Variants in PAAF1 observed in about 807,000 individuals in gnomAD.
PAAF1 encodes the protein proteasomal ATPase-associated factor 1.
PAAF1 carries 46 observed loss-of-function variants against 52.8 expected under a neutral mutation model. The ratio of observed to expected loss-of-function variants is 0.87; its 90% CI spans 0.69 to 1.11. The LOEUF is 1.11. Among genes scored for constraint, PAAF1 ranks in the 50% most tolerant of loss-of-function variants. The probability of loss-of-function intolerance (pLI) is 0.00; values close to 1 mark genes in which losing one functional copy is unlikely to be tolerated. For missense variants in PAAF1, 424 were observed against 477.4 expected (o/e 0.89, Z 1.04); for synonymous variants, 178 against 172.8 (o/e 1.03, Z -0.24).
At chr11:73,877,978 C>G (rs1450205866) in intron 1 of PAAF1, among the ~76,000 whole-genome samples, 1 of 152,170 alleles carries the variant, frequency 6.6e-6, no homozygotes, top group Non-Finnish European at 1.5e-5. Context: ...CCAGTTATTT[C>G]TCTAGGCTTC....
rs371142167 is a variant in PAAF1 at position 73,907,081 on chromosome 11, CT to C, written c.533-2307del. Among the ~76,000 whole-genome samples, 400 of 144,558 alleles carry C rather than the reference CT, an allele frequency of 2.8e-3. 5 individuals carry two copies. In the East Asian group the frequency reaches 0.03, roughly 11 times the overall value. 94.8% of individuals were successfully genotyped at this position (144,558 alleles called of 152,430 possible). On this transcript the variant is annotated intron_variant, in intron 6 of 11. Coordinates refer to ENST00000310571, the MANE Select transcript of PAAF1 (RefSeq NM_025155.3). ...TATATTCTGTTTGTGTATTTTTTCT[CT>C]TTTTTTTTTTCCATTGTAAGTCTTT...
At position 73,897,104 on chromosome 11, in the gene PAAF1, T is replaced by G. The variant is rs375758223; in HGVS notation, c.283-2042T>G. On this transcript the variant is annotated intron_variant, in intron 4 of 11. Coordinates refer to ENST00000310571, the MANE Select transcript of PAAF1 (RefSeq NM_025155.3). ...AGACGGGGCGGCTGGCCGGGCAGAG[T>G]GGCTCCTCACTTCCCAGTAGGGGCG... is the stretch of plus-strand genomic sequence containing the variant. Among the ~76,000 whole-genome samples the G allele has an allele frequency of 7.8e-3, 556 of 71,024 alleles. 1 individual carries two copies. Among genetic ancestry groups the G allele is most frequent in the Middle Eastern group, 0.023 (2 of 86 alleles). The allele number at this position is 71,024 out of a possible 152,430, so 46.6% of individuals were successfully genotyped here. A position where few individuals can be genotyped will look rare whatever the true frequency, so the allele number is the denominator to read the frequency against.
rs1949562922 is a variant in PAAF1 at position 73,900,369 on chromosome 11, T to C, written c.481T>C (p.Trp161Arg). ...SGGMDAQLKI[W>R]SAEDASCVVT... ...GGGAATGGATGCCCAGCTGAAGATA[T>C]GGTCAGCTGAAGATGCTAGCTGCGT... The change falls in exon 6 of 12, where the codon TGG becomes CGG. Residue 161 changes from tryptophan (W) to arginine (R), a missense_variant. Transcript: ENST00000310571. 11 of 1,612,674 alleles carry C rather than the reference T, an allele frequency of 6.8e-6. No individual in the cohort carries two copies. Among genetic ancestry groups the C allele is most frequent in the Admixed American group, 1.7e-5 (1 of 59,948 alleles).
At chr11:73,926,480 G>A (rs1950362333) in intron 11 of PAAF1, among the ~76,000 whole-genome samples, 1 of 152,140 alleles carries the variant, frequency 6.6e-6, no homozygotes, top group Non-Finnish European at 1.5e-5. Flanking sequence ...AGGCGGAGGG[G>A]GTGCGAATCA....
chr11:73,922,313 T>C, intron 10 of PAAF1: 1 of 423,966 alleles, frequency 2.4e-6, no homozygotes, highest in Non-Finnish European at 4.4e-6. Flanking sequence ...GGGAGTAAGA[T>C]TATAACTCTG....
intron 6 of PAAF1, 131 bp from the exon 7 acceptor site, chr11:73,909,268 A>C (rs1052627664): frequency 2.8e-6 from 2 of 707,510 alleles, no homozygotes; most frequent in Non-Finnish European, 4.6e-6. Flanking sequence ...GCACTTGAAC[A>C]TGGCCAGCAT....
At chr11:73,918,364 T>TCC (rs1565150936) in intron 9 of PAAF1, among the ~76,000 whole-genome samples, 1 of 138,684 alleles carries the variant, frequency 7.2e-6, no homozygotes, top group East Asian at 2.0e-4. Flanking sequence ...TTTTTTTTTT[T>TCC]TTTTTTTTTT....
At chr11:73,899,911 A>G (rs563870239) in intron 5 of PAAF1, among the ~76,000 whole-genome samples, 1 of 152,260 alleles carries the variant, frequency 6.6e-6, no homozygotes, top group South Asian at 2.1e-4. Context: ...AACCTTTACA[A>G]AGGATTTTAA....
intron 4 of PAAF1, among the ~76,000 whole-genome samples, chr11:73,896,605 A>C (rs11235947): frequency 1.3e-5 from 2 of 151,550 alleles, no homozygotes; most frequent in African/African-American, 2.4e-5. Flanking sequence ...CAGAGAGCAC[A>C]GGGTTGGGGG....
At chr11:73,891,334 C>G in intron 4 of PAAF1, 133 bp downstream of exon 4, 1 of 568,822 alleles carries the variant, frequency 1.8e-6, no homozygotes, top group East Asian at 3.1e-5. Context: ...GATGATACAG[C>G]TGATGAAGTC....
At chr11:73,911,142 A>G (rs534494944) in intron 7 of PAAF1, among the ~76,000 whole-genome samples, 5 of 152,256 alleles carry the variant, frequency 3.3e-5, no homozygotes, top group Admixed American at 3.3e-4. Flanking sequence ...TGTCACCCAA[A>G]GTTCAGAGTT....
chr11:73,895,321 T>C (rs751140307), intron 4 of PAAF1, among the ~76,000 whole-genome samples: 3 of 152,192 alleles, frequency 2.0e-5, no homozygotes, highest in Non-Finnish European at 4.4e-5. Context: ...AAAGTTTTCT[T>C]TGGACATGTT....
intron 11 of PAAF1, among the ~76,000 whole-genome samples, chr11:73,926,133 T>G (rs1345852268): frequency 6.6e-6 from 1 of 151,860 alleles, no homozygotes; most frequent in Non-Finnish European, 1.5e-5. Flanking sequence ...TGAGATGGAG[T>G]TTCGCTCTTG....
In PAAF1 at chr11:73,930,859, G is replaced by C. The variant is rs1950449617; in HGVS notation, c.*3497G>C. On this transcript the variant is annotated 3_prime_UTR_variant, in exon 12 of 12. Transcript: ENST00000310571. ...ACTCGGGGAGGAGGAATGGGGAAAT[G>C]ATGGTCATAGGGTGCAAAGTCTCAG... The C allele has an allele frequency of 6.6e-6, 1 of 151,658 alleles. No individual in the cohort carries two copies. Among genetic ancestry groups the C allele is most frequent in the South Asian group, 2.1e-4 (1 of 4,812 alleles). 9.4% of individuals were successfully genotyped at this position (151,658 alleles called of 1,614,324 possible).
chr11:73,890,746 C>A (rs898551760), intron 3 of PAAF1, among the ~76,000 whole-genome samples: 2 of 152,214 alleles, frequency 1.3e-5, no homozygotes, highest in African/African-American at 4.8e-5. Context: ...CCTCTTCGCA[C>A]TGATCCTGTT....
At chr11:73,919,853 C>G (rs943619574) in intron 10 of PAAF1, among the ~76,000 whole-genome samples, 1 of 152,178 alleles carries the variant, frequency 6.6e-6, no homozygotes, top group Non-Finnish European at 1.5e-5. Context: ...ACAGAACACC[C>G]AGCTGAATAT....
intron 4 of PAAF1, 134 bp from the exon 5 acceptor site, chr11:73,899,012 A>C: frequency 1.6e-6 from 1 of 639,224 alleles, no homozygotes; most frequent in Non-Finnish European, 2.6e-6. Flanking sequence ...TACATCAAAC[A>C]CAAGTCCTTT....
intron 10 of PAAF1, among the ~76,000 whole-genome samples, chr11:73,919,903 A>C (rs902118374): frequency 6.6e-6 from 1 of 152,200 alleles, no homozygotes; most frequent in African/African-American, 2.4e-5. Context: ...TCACTTAACA[A>C]GAAGTCCAGA....
chr11:73,880,439 A>G (rs1330845243), intron 2 of PAAF1: 1 of 150,390 alleles, frequency 6.6e-6, no homozygotes, highest in African/African-American at 2.4e-5. Flanking sequence ...GGATTGTGCC[A>G]CTGTACTTCA....
Sources: allele counts gnomAD v4.1 joint callset (sites outside exome capture counted in the v4.1 genomes callset), GRCh38; gene constraint gnomAD v4.1.1; transcripts MANE v1.5; gene names NCBI Gene and HGNC (gene_info 2026-07-23, HGNC 2026-07-21).